The following PKD1L1 variants were observed in gnomAD, a reference collection of about 807,000 sequenced individuals.
The protein encoded by PKD1L1 is polycystin 1 like 1, transient receptor potential channel interacting.
PKD1L1 carries 236 observed loss-of-function variants against 323.4 expected under a neutral mutation model. The observed-to-expected ratio is 0.73, with a 90% confidence interval of 0.66 to 0.81. PKD1L1 has a LOEUF of 0.81. PKD1L1 is among the 40% of genes least tolerant of loss of function. PKD1L1 has a pLI of 0.00. For missense variants in PKD1L1, 3,320 were observed against 3,508.0 expected (o/e 0.95, Z 1.35); for synonymous variants, 1,344 against 1,335.0 (o/e 1.01, Z -0.15).
At chr7:47,957,579 G>A in the PKD1L1 span, among the ~76,000 whole-genome samples, 500 of 152,194 alleles carry the variant, frequency 3.3e-3, 2 homozygotes, top group African/African-American at 0.011. Flanking sequence ...TGCAATCACA[G>A]CTCACTGCAG....
At chr7:47,859,711 C>T (rs1253941457) in intron 26 of PKD1L1, among the ~76,000 whole-genome samples, 2 of 151,292 alleles carry the variant, frequency 1.3e-5, no homozygotes, top group Non-Finnish European at 2.9e-5. Context: ...ACTGCATCCT[C>T]CGCCTCCTGG....
chr7:47,893,816 C>G (rs1786875178), intron 15 of PKD1L1, 62 bp downstream of exon 15: 1 of 1,520,748 alleles, frequency 6.6e-7, no homozygotes, highest in Non-Finnish European at 9.0e-7. Flanking sequence ...CGTTCCAGAG[C>G]CTGCATTTGC....
At chr7:47,917,037 C>A (rs1174477463) in intron 7 of PKD1L1, among the ~76,000 whole-genome samples, 2 of 151,778 alleles carry the variant, frequency 1.3e-5, no homozygotes, top group Non-Finnish European at 2.9e-5. Flanking sequence ...TAGGGAGGCA[C>A]CAGAGAAAGG....
intron 12 of PKD1L1, 81 bp from the exon 13 acceptor site, chr7:47,902,592 T>C: frequency 6.8e-7 from 1 of 1,476,794 alleles, no homozygotes; most frequent in Non-Finnish European, 9.2e-7. Context: ...TACCCACTCA[T>C]ATCTGCAGAA....
At chr7:47,795,848 G>T in intron 55 of PKD1L1, 141 bp downstream of exon 55, 1 of 975,350 alleles carries the variant, frequency 1.0e-6, no homozygotes, top group South Asian at 1.5e-5. Context: ...CACTATGATT[G>T]AGACTAATTT....
rs527505899 is a variant in PKD1L1, at chr7:47,809,598, A to C, written c.7582-21T>G. On this transcript the variant is annotated intron_variant, in intron 50 of 56. Transcript: ENST00000289672. The stretch of plus-strand genomic sequence containing the variant: ...ACCAGCTGGTGGAGAGAATGTAAAC[A>C]AACAAGATCAATAGGAATGCTGATA... 3.4e-5 allele frequency: 51 copies of C among 1,513,582 alleles called. 1 individual carries two copies. The South Asian group carries it at 5.0e-4, about 15-fold the overall frequency. The allele number at this position is 1,513,582 out of a possible 1,614,324, so 93.8% of individuals were successfully genotyped here. A position where few individuals can be genotyped will look rare whatever the true frequency, so the allele number is the denominator to read the frequency against.
In PKD1L1 at chr7:47,890,554, T is replaced by A; in HGVS notation, c.2663A>T (p.Asp888Val). 1 of 1,613,812 alleles carries A rather than the reference T, an allele frequency of 6.2e-7. No homozygotes were observed. Among genetic ancestry groups the A allele is most frequent in the Non-Finnish European group, 8.5e-7 (1 of 1,180,006 alleles). ...CAGGGTCAGGTACCTGAACGCCGAG[T>A]CAGGGTAGGGGGACAGGAACACCCG... ...ETRVFLSPYP[D>V]SAFRFVHISW... The change falls in exon 16 of 57, where the codon GAC becomes GTC. Residue 888 changes from aspartate (D) to valine (V), a missense_variant. Physicochemically the swap from Asp to Val is radical, Grantham distance 152. Coordinates refer to ENST00000289672, the MANE Select transcript of PKD1L1 (RefSeq NM_138295.5).
chr7:47,803,448 G>T, intron 52 of PKD1L1, 104 bp from the exon 53 acceptor site: 2 of 1,360,012 alleles, frequency 1.5e-6, no homozygotes, highest in Non-Finnish European at 2.0e-6. Flanking sequence ...TGGATTTGAT[G>T]ATGTTATATA....
intron 34 of PKD1L1, among the ~76,000 whole-genome samples, chr7:47,842,019 T>G (rs1334852166): frequency 6.6e-6 from 1 of 152,230 alleles, no homozygotes; most frequent in Non-Finnish European, 1.5e-5. Flanking sequence ...CCTGTTTTAT[T>G]TCTTGCTTTA....
intron 54 of PKD1L1, among the ~76,000 whole-genome samples, chr7:47,798,782 CAAAG>C (rs1195051435): frequency 1.2e-4 from 18 of 147,284 alleles, no homozygotes; most frequent in Non-Finnish European, 2.2e-4. Flanking sequence ...AAACCAAAAA[CAAAG>C]AAACAAAAAA....
intron 45 of PKD1L1, among the ~76,000 whole-genome samples, chr7:47,823,809 G>A (rs1785193320): frequency 6.6e-6 from 1 of 152,170 alleles, no homozygotes; most frequent in Non-Finnish European, 1.5e-5. Flanking sequence ...CTGTTATGTG[G>A]TTTCCCAGGG....
rs79853169 is a variant in PKD1L1, at chr7:47,873,739, C to T, written c.3896+160G>A. Among the ~76,000 whole-genome samples the T allele has an allele frequency of 1.4e-3, 214 of 151,310 alleles. 1 individual carries two copies. In the East Asian group the frequency reaches 0.03, roughly 21 times the overall value. On this transcript the variant is annotated intron_variant, in intron 24 of 56. Transcript: ENST00000289672. ...AGAATGCCATGCAAATATGAGTTAGCAGGATTGCAGTGATAGCACCCGGAC... is the reference window on the plus strand; with the variant it reads ...AGAATGCCATGCAAATATGAGTTAGTAGGATTGCAGTGATAGCACCCGGAC...
intron 1 of PKD1L1, among the ~76,000 whole-genome samples, chr7:47,944,991 A>C (rs1380017936): frequency 6.6e-6 from 1 of 152,200 alleles, no homozygotes; most frequent in South Asian, 2.1e-4. Context: ...ACCGTTGCCA[A>C]GTTCCCAGCT....
intron 23 of PKD1L1, among the ~76,000 whole-genome samples, chr7:47,874,644 G>A (rs1253331895): frequency 6.6e-6 from 1 of 152,084 alleles, no homozygotes; most frequent in African/African-American, 2.4e-5. Context: ...TGGATACTAG[G>A]TGGGCTCTGG....
chr7:47,825,339 G>A (rs1057435157), intron 45 of PKD1L1, among the ~76,000 whole-genome samples: 1 of 152,012 alleles, frequency 6.6e-6, no homozygotes, highest in Admixed American at 6.6e-5. Flanking sequence ...AGACCAGCCT[G>A]ACCTACATGG....
At position 47,877,172 on chromosome 7, in the gene PKD1L1, C is replaced by T. The variant is rs2348659; in HGVS notation, c.3663+317G>A. Among the ~76,000 whole-genome samples, 55,057 of 151,746 alleles carry T rather than the reference C, an allele frequency of 0.36. 11,359 individuals are homozygous for T. The highest frequency in any genetic ancestry group is 0.56 in the African/African-American group (23,321 of 41,330). On this transcript the variant is annotated intron_variant, in intron 22 of 56. Coordinates refer to ENST00000289672, the MANE Select transcript of PKD1L1 (RefSeq NM_138295.5). ...CTCCTCACTTTGGGTCACGTGCCTG[C>T]CTTTTTCTTGGGGGCAGCATTAACG... is the stretch of plus-strand genomic sequence containing the variant.
intron 3 of PKD1L1, among the ~76,000 whole-genome samples, chr7:47,939,040 A>G (rs1441110264): frequency 6.6e-6 from 1 of 152,172 alleles, no homozygotes; most frequent in Non-Finnish European, 1.5e-5. Flanking sequence ...GGCTATTTAC[A>G]TTGTGTAATG....
rs765042292 is a variant in PKD1L1, at chr7:47,908,145, A to G, written c.1334T>C (p.Phe445Ser). 7 of 1,614,246 alleles carry G rather than the reference A, an allele frequency of 4.3e-6. No individual in the cohort carries two copies. Among genetic ancestry groups the G allele is most frequent in the Middle Eastern group, 3.3e-4 (2 of 6,060 alleles). ...VEIGHEAVSA[F>S]MNSSSVHEDE... is the part of the protein sequence containing the mutation. ...TTCATGGACACTGCTGGAGTTCATG[A>G]ACGCAGACACGGCCTCATGGCCAAT... The change falls in exon 9 of 57, where the codon TTC becomes TCC. Residue 445 changes from phenylalanine (F) to serine (S), a missense_variant. Coordinates refer to ENST00000289672, the MANE Select transcript of PKD1L1 (RefSeq NM_138295.5).
intron 16 of PKD1L1, among the ~76,000 whole-genome samples, chr7:47,889,998 G>A (rs756935167): frequency 6.6e-6 from 1 of 152,176 alleles, no homozygotes; most frequent in South Asian, 2.1e-4. Context: ...TTTGGTGTCC[G>A]GGGGCTGCAC....
Sources: gnomAD v4.1 joint callset for allele counts (sites outside exome capture counted in the v4.1 genomes callset) on GRCh38, gnomAD v4.1.1 for gene constraint, MANE v1.5 for transcripts, NCBI Gene and HGNC (gene_info 2026-07-23, HGNC 2026-07-21) for gene names.